The following RABL6 variants were observed in gnomAD, a reference collection of about 807,000 sequenced individuals.
The protein encoded by RABL6 is rab-like protein 6.
RABL6 carries 28 observed loss-of-function variants against 72.9 expected under a neutral mutation model. That is an observed-to-expected ratio of 0.38 (90% CI 0.28 to 0.53). The LOEUF (loss-of-function observed/expected upper bound fraction) is 0.53. Among genes scored for constraint, RABL6 ranks in the 20% least tolerant of loss-of-function variants. RABL6 has a pLI of 0.80. For missense variants in RABL6, 1,029 were observed against 1,008.4 expected (o/e 1.02, Z -0.28); for synonymous variants, 477 against 421.2 (o/e 1.13, Z -1.62).
chr9:136,837,545 C>G lies in RABL6; in HGVS notation c.1009C>G (p.Pro337Ala). The change falls in exon 9 of 15, where the codon CCA becomes GCA. Residue 337 changes from proline (P) to alanine (A), a missense_variant. Around this residue, in one of 2 missense-constraint regions of RABL6, gnomAD observed 434 missense variants for 536.1 expected, o/e 0.81. Coordinates refer to ENST00000311502, the MANE Select transcript of RABL6 (RefSeq NM_024718.5). ...CCCACCATCCTCTGTGCCCCCTGTA[C>G]CACCCTCAGAGGCCCTGCCCCCACC... ...AAPPSSVPPV[P>A]PSEALPPPAC... 6.4e-7 allele frequency: 1 copy of G among 1,552,002 alleles called. No homozygotes were observed. The highest frequency in any genetic ancestry group is 8.7e-7 in the Non-Finnish European group (1 of 1,150,916).
rs1848689181 is a variant in RABL6, at chr9:136,841,086, G to C, written c.*564G>C. 7.2e-6 allele frequency: 10 copies of C among 1,391,416 alleles called. No individual in the cohort carries two copies. The highest frequency in any genetic ancestry group is 9.3e-6 in the Non-Finnish European group (10 of 1,071,490). The allele number at this position is 1,391,416 out of a possible 1,614,324, so 86.2% of individuals were successfully genotyped here. A position where few individuals can be genotyped will look rare whatever the true frequency, so the allele number is the denominator to read the frequency against. On this transcript the variant is annotated 3_prime_UTR_variant, in exon 15 of 15. Transcript: ENST00000311502. ...AGTGGGGGTTGTGTTTCCCACAGTG[G>C]CCTCAGCTGCGCCCCCGCTCAGGTG...
chr9:136,816,919 C>T (rs927373980), intron 1 of RABL6, among the ~76,000 whole-genome samples: 3 of 151,840 alleles, frequency 2.0e-5, no homozygotes, highest in Admixed American at 6.6e-5. Context: ...TCTTCATTCT[C>T]AAAATGTGAA....
Position 136,808,036 on chromosome 9 carries a change from C to A in RABL6, c.-161C>A. On this transcript the variant is annotated 5_prime_UTR_variant, in exon 1 of 15. Transcript: ENST00000311502. ...GCCGCGGCTGAGGTTCCCGAGTCGCCGCTCGGGGCTGCGCTCCGCCGCCGG... is the reference window on the plus strand; with the variant it reads ...GCCGCGGCTGAGGTTCCCGAGTCGCAGCTCGGGGCTGCGCTCCGCCGCCGG... 3 of 1,055,812 alleles carry A rather than the reference C, an allele frequency of 2.8e-6. No homozygotes were observed. The highest frequency in any genetic ancestry group is 2.3e-6 in the Non-Finnish European group (2 of 871,868). The allele number at this position is 1,055,812 out of a possible 1,614,324, so 65.4% of individuals were successfully genotyped here.
Position 136,841,074 on chromosome 9 carries a change from T to G in RABL6, c.*552T>G. 1 of 1,405,864 alleles carries G rather than the reference T, an allele frequency of 7.1e-7. No individual in the cohort carries two copies. Among genetic ancestry groups the G allele is most frequent in the Non-Finnish European group, 9.2e-7 (1 of 1,081,148 alleles). The allele number at this position is 1,405,864 out of a possible 1,614,324, so 87.1% of individuals were successfully genotyped here. A position where few individuals can be genotyped will look rare whatever the true frequency, so the allele number is the denominator to read the frequency against. On this transcript the variant is annotated 3_prime_UTR_variant, in exon 15 of 15. Transcript: ENST00000311502. ...GCCTCTCCTGGGAGTGGGGGTTGTG[T>G]TTCCCACAGTGGCCTCAGCTGCGCC... is the stretch of plus-strand genomic sequence containing the variant.
chr9:136,813,356 C>G (rs933851670), intron 1 of RABL6: 1 of 924,556 alleles, frequency 1.1e-6, no homozygotes, highest in African/African-American at 1.6e-5. Flanking sequence ...CAGATTCTTT[C>G]TGAAGAGTTT....
At chr9:136,818,236 G>A (rs1338488229) in intron 1 of RABL6, among the ~76,000 whole-genome samples, 2 of 150,642 alleles carry the variant, frequency 1.3e-5, no homozygotes, top group African/African-American at 4.9e-5. Flanking sequence ...GGTGGCGGGC[G>A]CCTGTAGTCC....
At chr9:136,833,895 C>T in intron 7 of RABL6, 2 of 1,550,518 alleles carry the variant, frequency 1.3e-6, no homozygotes, top group South Asian at 1.2e-5. Context: ...GCAGAGCCGT[C>T]CCCTCATCAC....
intron 1 of RABL6, chr9:136,814,186 GT>G: frequency 3.5e-6 from 1 of 284,220 alleles, no homozygotes. Context: ...ATGGATACTA[GT>G]TTTTGTTTTT....
intron 3 of RABL6, chr9:136,827,289 G>C (rs1177893602): frequency 6.6e-6 from 1 of 152,388 alleles, no homozygotes; most frequent in Non-Finnish European, 1.5e-5. Context: ...TGCATTGGAG[G>C]GGGTTGAGGT....
intron 7 of RABL6, chr9:136,833,428 C>G (rs531976193): frequency 4.6e-5 from 20 of 430,610 alleles, no homozygotes; most frequent in Admixed American, 4.2e-4. Flanking sequence ...ACCTCCTCGC[C>G]CTGGGCTGCC....
chr9:136,808,073 C>T lies in RABL6; in HGVS notation c.-124C>T. On this transcript the variant is annotated 5_prime_UTR_variant, in exon 1 of 15. Coordinates refer to ENST00000311502, the MANE Select transcript of RABL6 (RefSeq NM_024718.5). Reference sequence around the variant, plus strand: ...CGCTCCGCCGCCGGGACCCCGGCCTCTGGCCGCGCCGGCTCCGGCCTCCGG... The same window carrying T: ...CGCTCCGCCGCCGGGACCCCGGCCTTTGGCCGCGCCGGCTCCGGCCTCCGG... 8.7e-7 allele frequency: 1 copy of T among 1,151,284 alleles called. No individual in the cohort carries two copies. 71.3% of individuals were successfully genotyped at this position (1,151,284 alleles called of 1,614,324 possible).
intron 8 of RABL6, 106 bp from the exon 9 acceptor site, chr9:136,837,240 G>A: frequency 7.7e-7 from 1 of 1,303,270 alleles, no homozygotes; most frequent in Non-Finnish European, 1.1e-6. Flanking sequence ...CCAGAACACA[G>A]TGGCTCTTCC....
At chr9:136,818,057 ATC>A (rs1564360611) in intron 1 of RABL6, among the ~76,000 whole-genome samples, 1 of 69,478 alleles carries the variant, frequency 1.4e-5, no homozygotes, top group East Asian at 4.4e-4. Context: ...ACAAGACTCC[ATC>A]TCAAAAAAAA....
chr9:136,808,244 C>T lies in RABL6; in HGVS notation c.48C>T (p.Gly16=), dbSNP rs1847911304. 4 of 1,564,882 alleles carry T rather than the reference C, an allele frequency of 2.6e-6. No individual in the cohort carries two copies. The highest frequency in any genetic ancestry group is 1.7e-6 in the Non-Finnish European group (2 of 1,157,284). ...TGGTGGGGTCGGACCAGGCCCCGGG[C>T]CGGGACAAGAACATCCCCGCCGGGC... ...KKLVGSDQAP[G]RDKNIPAGLQ... is the part of the protein sequence containing the mutation. Residue 16 remains glycine (G), a synonymous_variant, in exon 1 of 15, where the codon GGC becomes GGT. Transcript: ENST00000311502.
At chr9:136,812,537 C>A (rs1004306888) in intron 1 of RABL6, among the ~76,000 whole-genome samples, 5 of 151,568 alleles carry the variant, frequency 3.3e-5, no homozygotes, top group Admixed American at 3.3e-4. Context: ...CCAGCCTGGG[C>A]GACAGAGTGA....
At chr9:136,824,326 G>GTTTTTTTTTTTTTTTTTTTTTTTTTTTTT (rs34760204) in intron 2 of RABL6, among the ~76,000 whole-genome samples, 1 of 75,054 alleles carries the variant, frequency 1.3e-5, no homozygotes. Context: ...GTTTGGTTGG[G>GTTTTTTTTTTTTTTTTTTTTTTTTTTTTT]TTTTTTTTTT....
intron 1 of RABL6, among the ~76,000 whole-genome samples, chr9:136,812,291 G>C (rs1201322489): frequency 6.6e-6 from 1 of 152,148 alleles, no homozygotes; most frequent in African/African-American, 2.4e-5. Context: ...CGGGCACGGT[G>C]GCTCACACCT....
intron 10 of RABL6, among the ~76,000 whole-genome samples, chr9:136,838,346 C>G (rs1465743941): frequency 2.6e-5 from 4 of 152,212 alleles, no homozygotes; most frequent in African/African-American, 9.6e-5. Flanking sequence ...GATGTGGTCT[C>G]CACAGGGCCA....
Position 136,837,563 on chromosome 9 carries a change from C to T in RABL6, c.1027C>T (p.Pro343Ser), listed in dbSNP as rs753526071. The change falls in exon 9 of 15, where the codon CCC (proline) becomes TCC (serine). Residue 343 changes from proline to serine, a missense_variant. Coordinates refer to ENST00000311502, the MANE Select transcript of RABL6 (RefSeq NM_024718.5). ...CCCTGTACCACCCTCAGAGGCCCTG[C>T]CCCCACCTGCGTGCCCCTCAGCCCC... ...VPPVPPSEAL[P>S]PPACPSAPAP... The T allele has an allele frequency of 8.3e-6, 13 of 1,568,014 alleles. No homozygotes were observed. The highest frequency in any genetic ancestry group is 1.2e-5 in the South Asian group (1 of 85,860).
Sources: gnomAD v4.1 joint callset for allele counts (sites outside exome capture counted in the v4.1 genomes callset) on GRCh38, gnomAD v4.1.1 for gene constraint, gnomAD v4.1.1 regional missense constraint, MANE v1.5 for transcripts, NCBI Gene and HGNC (gene_info 2026-07-23, HGNC 2026-07-21) for gene names.